The following ROBO2 variants were observed in gnomAD, a reference collection of about 807,000 sequenced individuals.
The protein encoded by ROBO2 is roundabout guidance receptor 2, also known as roundabout homolog 2.
In ROBO2, 53 loss-of-function variants were observed where a neutral mutation model predicts 160.8. That is an observed-to-expected ratio of 0.33 (90% CI 0.26 to 0.41). ROBO2 has a LOEUF of 0.41. ROBO2 is among the 10% of genes least tolerant of loss of function. The probability of loss-of-function intolerance (pLI) is 1.00; values close to 1 mark genes in which losing one functional copy is unlikely to be tolerated. For missense variants in ROBO2, 1,577 were observed against 1,722.4 expected, an observed-to-expected ratio of 0.92 and a Z score of 1.49; for synonymous variants, 664 against 611.7, an observed-to-expected ratio of 1.09 and a Z score of -1.26.
At chr3:76,569,515 A>G (rs932415388) in intron 2 of ROBO2, among the ~76,000 whole-genome samples, 2 of 152,298 alleles carry the variant, frequency 1.3e-5, no homozygotes, top group South Asian at 2.1e-4. Flanking sequence ...GTGAAATTAT[A>G]AACAATGAAT....
rs1477738173 is a variant in ROBO2, at chr3:76,410,337, A to G, written c.109+472735A>G. On this transcript the variant is annotated intron_variant, in intron 2 of 26. Coordinates refer to the ROBO2 transcript ENST00000487694. ...GCAGGACGGACGGTGTATATATTGT[A>G]TCTATTCTAAAGGATCAAGACTAAA... Among the ~76,000 whole-genome samples, 5 of 152,140 alleles carry G rather than the reference A, an allele frequency of 3.3e-5. No homozygotes were observed. The South Asian group carries it at 6.2e-4, about 19-fold the overall frequency.
intron 2 of ROBO2, among the ~76,000 whole-genome samples, chr3:76,362,998 C>CT (rs1559824766): frequency 6.6e-6 from 1 of 151,960 alleles, no homozygotes; most frequent in Non-Finnish European, 1.5e-5. Flanking sequence ...TTCGATGTTT[C>CT]TTTTTTACAG....
At chr3:76,308,471 G>T (rs2071427957) in intron 2 of ROBO2, among the ~76,000 whole-genome samples, 1 of 151,210 alleles carries the variant, frequency 6.6e-6, no homozygotes, top group Non-Finnish European at 1.5e-5. Flanking sequence ...ATGAGTTGAT[G>T]AATGCAAAGT....
At chr3:76,050,453 C>A (rs891457325) in intron 2 of ROBO2, among the ~76,000 whole-genome samples, 2 of 152,058 alleles carry the variant, frequency 1.3e-5, no homozygotes, top group African/African-American at 4.8e-5. Flanking sequence ...TTGCAGATGG[C>A]GTATTGGGGG....
At chr3:77,635,203 TA>T (rs1338459468) in intron 24 of ROBO2, among the ~76,000 whole-genome samples, 160 bp downstream of exon 25, 1 of 151,996 alleles carries the variant, frequency 6.6e-6, no homozygotes, top group Non-Finnish European at 1.5e-5. Flanking sequence ...ACACCATTTT[TA>T]AAAACAATCT....
At chr3:77,473,176 C>A (rs941095146) in intron 2 of ROBO2, among the ~76,000 whole-genome samples, 15 of 152,016 alleles carry the variant, frequency 9.9e-5, no homozygotes, top group South Asian at 2.1e-4. Context: ...GTCATTTACA[C>A]AGAGCGTGAA....
chr3:77,459,244 C>T (rs939920150), intron 2 of ROBO2, among the ~76,000 whole-genome samples: 4 of 152,166 alleles, frequency 2.6e-5, no homozygotes, highest in African/African-American at 9.7e-5. Context: ...GTGATACCTT[C>T]AATGCATATT....
At chr3:77,107,480 TA>T (rs1356171898) in intron 2 of ROBO2, among the ~76,000 whole-genome samples, 1 of 152,192 alleles carries the variant, frequency 6.6e-6, no homozygotes, top group Non-Finnish European at 1.5e-5. Flanking sequence ...AACTGCGAAT[TA>T]AAAATAATTT....
chr3:76,644,744 C>T (rs1320440858), intron 2 of ROBO2, among the ~76,000 whole-genome samples: 1 of 152,152 alleles, frequency 6.6e-6, no homozygotes, highest in Admixed American at 6.5e-5. Context: ...GAAGTGAATT[C>T]CTGTATCCCA....
At chr3:76,781,360 A>G (rs369356811) in intron 2 of ROBO2, among the ~76,000 whole-genome samples, 1 of 150,836 alleles carries the variant, frequency 6.6e-6, no homozygotes, top group East Asian at 2.0e-4. Flanking sequence ...GCAGAAAGAG[A>G]CAATTCTACT....
At chr3:77,599,643 A>AT (rs1174768233) in intron 19 of ROBO2, among the ~76,000 whole-genome samples, 1 of 152,090 alleles carries the variant, frequency 6.6e-6, no homozygotes, top group Non-Finnish European at 1.5e-5. Flanking sequence ...AACTTAGAGT[A>AT]TAATAAAAAA....
chr3:76,117,256 A>G (rs1244527987), intron 2 of ROBO2, among the ~76,000 whole-genome samples: 1 of 152,178 alleles, frequency 6.6e-6, no homozygotes, highest in East Asian at 1.9e-4. Flanking sequence ...TTCATTTGTC[A>G]TGATAATATT....
intron 2 of ROBO2, among the ~76,000 whole-genome samples, chr3:76,977,435 A>G (rs1029971412): frequency 6.6e-6 from 1 of 152,174 alleles, no homozygotes; most frequent in Admixed American, 6.5e-5. Flanking sequence ...TTTTTCCATT[A>G]TAGGTACATG....
chr3:76,666,016 T>TTATATATTA (rs1435276938), intron 2 of ROBO2, among the ~76,000 whole-genome samples: 1 of 122,136 alleles, frequency 8.2e-6, no homozygotes, highest in Admixed American at 8.4e-5. Context: ...TATATACATA[T>TTATATATTA]TATATATTAT....
At chr3:76,684,591 A>G (rs1019196289) in intron 2 of ROBO2, among the ~76,000 whole-genome samples, 2 of 152,134 alleles carry the variant, frequency 1.3e-5, no homozygotes, top group African/African-American at 4.8e-5. Flanking sequence ...TTATAGTAAG[A>G]GTTTACATCA....
At chr3:76,796,850 CAAGCCCCTTA>C (rs1271772985) in intron 2 of ROBO2, among the ~76,000 whole-genome samples, 74 of 151,980 alleles carry the variant, frequency 4.9e-4, no homozygotes, top group African/African-American at 1.6e-3. Flanking sequence ...TAAAAGGAAT[CAAGCCCCTTA>C]TATAATTATA....
intron 2 of ROBO2, among the ~76,000 whole-genome samples, chr3:77,353,771 A>G (rs1181526884): frequency 6.6e-6 from 1 of 152,164 alleles, no homozygotes; most frequent in East Asian, 1.9e-4. Flanking sequence ...TTGGCCTCCC[A>G]AAGTGCTGGG....
intron 2 of ROBO2, among the ~76,000 whole-genome samples, chr3:76,974,195 T>C (rs2059705235): frequency 6.6e-6 from 1 of 152,192 alleles, no homozygotes; most frequent in South Asian, 2.1e-4. Context: ...ACCGCCTTGA[T>C]AAACATTACA....
At chr3:77,154,370 C>A (rs966922913) in intron 2 of ROBO2, among the ~76,000 whole-genome samples, 1 of 152,006 alleles carries the variant, frequency 6.6e-6, no homozygotes, top group Non-Finnish European at 1.5e-5. Flanking sequence ...TTTTTAGACG[C>A]TGGTGAGGCT....
Sources: gnomAD v4.1 joint callset for allele counts (sites outside exome capture counted in the v4.1 genomes callset) on GRCh38, gnomAD v4.1.1 for gene constraint, MANE v1.5 for transcripts, NCBI Gene and HGNC (gene_info 2026-07-23, HGNC 2026-07-21) for gene names.